Variants in COLEC12 observed in about 807,000 individuals in gnomAD.
The protein encoded by COLEC12 is collectin subfamily member 12, also known as collectin-12.
Under a neutral mutation model 71.1 loss-of-function variants are expected in COLEC12, and 33 were observed. The observed-to-expected ratio is 0.46, with a 90% CI of 0.35 to 0.62. COLEC12 has a LOEUF of 0.62. Ranked by LOEUF, COLEC12 falls within the 20% of genes least tolerant of loss-of-function variation. The pLI is 0.00. For synonymous variants in COLEC12, 350 were observed against 353.0 expected (o/e 0.99, Z 0.10); for missense variants, 765 against 916.1 (o/e 0.84, Z 2.13).
At chr18:404,446 C>A (rs1395112936) in intron 2 of COLEC12, among the ~76,000 whole-genome samples, 2 of 152,010 alleles carry the variant, frequency 1.3e-5, no homozygotes, top group African/African-American at 4.8e-5. Flanking sequence ...GCTTTTTTTA[C>A]CAAGTCATGA....
At chr18:420,277 G>C (rs2846657) in intron 2 of COLEC12, among the ~76,000 whole-genome samples, 2 of 151,866 alleles carry the variant, frequency 1.3e-5, no homozygotes, top group Non-Finnish European at 2.9e-5. Context: ...TGATGGCAAT[G>C]TAACACGTGT....
At position 362,808 on chromosome 18, in the gene COLEC12, C is replaced by T. The variant is rs931663037; in HGVS notation, c.59-5286G>A. Among the ~76,000 whole-genome samples, 3 of 152,144 alleles carry T rather than the reference C, an allele frequency of 2.0e-5. No individual in the cohort carries two copies. Among genetic ancestry groups the T allele is most frequent in the African/African-American group, 4.8e-5 (2 of 41,420 alleles). ...TGCTTTTCCCTCTTGAACTATCTCC[C>T]GCTGAACTCCACTCTTGGCTCATGT... On this transcript the variant is annotated intron_variant, in intron 2 of 9. Transcript: ENST00000400256. The surrounding 1 kb of genome is among the most constrained non-coding windows in gnomAD (Gnocchi z 4.6).
At chr18:435,433 G>A (rs1361757713) in intron 2 of COLEC12, among the ~76,000 whole-genome samples, 9 of 152,066 alleles carry the variant, frequency 5.9e-5, no homozygotes, top group South Asian at 4.1e-4. Flanking sequence ...ACCAGATCTC[G>A]TGAGATGCAC....
At position 395,544 on chromosome 18, in the gene COLEC12, A is replaced by C. The variant is rs529839388; in HGVS notation, c.59-38022T>G. Reference sequence around the variant, plus strand: ...ATCCTTCCCAGAAAAATGTGAGGTTAAAAGTTTAATCTGAGTTCACAGCTC... The same window carrying C: ...ATCCTTCCCAGAAAAATGTGAGGTTCAAAGTTTAATCTGAGTTCACAGCTC... On this transcript the variant is annotated intron_variant, in intron 2 of 9. Coordinates refer to ENST00000400256, the MANE Select transcript of COLEC12 (RefSeq NM_130386.3). 3.3e-4 allele frequency among the ~76,000 whole-genome samples: 50 copies of C among 152,324 alleles called. 1 individual carries two copies. The highest frequency in any genetic ancestry group is 2.4e-3 in the Admixed American group (37 of 15,302).
chr18:480,999 C>A lies in COLEC12; in HGVS notation c.8-242G>T, dbSNP rs977423533. On this transcript the variant is annotated intron_variant, in intron 1 of 9. Coordinates refer to ENST00000400256, the MANE Select transcript of COLEC12 (RefSeq NM_130386.3). This position sits in a 1 kb window ranked among gnomAD's most constrained non-coding sequence, Gnocchi z 4.1. ...TCGAATTCAGGTCTTAGCTAAAGTG[C>A]GACCCTTCGAGATGCCTTTCTGGAC... Among the ~76,000 whole-genome samples, 3 of 152,078 alleles carry A rather than the reference C, an allele frequency of 2.0e-5. No individual in the cohort carries two copies. Among genetic ancestry groups the A allele is most frequent in the African/African-American group, 7.2e-5 (3 of 41,404 alleles).
intron 2 of COLEC12, among the ~76,000 whole-genome samples, chr18:442,450 A>G (rs1233518936): frequency 6.6e-6 from 1 of 152,152 alleles, no homozygotes; most frequent in Non-Finnish European, 1.5e-5. Context: ...GCGTAGCACC[A>G]AGCTCAGACT....
chr18:412,040 A>G (rs908454929), intron 2 of COLEC12, among the ~76,000 whole-genome samples: 2 of 152,190 alleles, frequency 1.3e-5, no homozygotes, highest in Non-Finnish European at 2.9e-5. Context: ...GAGCAGATAG[A>G]AAAGTAATAG....
At chr18:354,632 C>T (rs536351505) in intron 3 of COLEC12, among the ~76,000 whole-genome samples, 45 of 152,068 alleles carry the variant, frequency 3.0e-4, no homozygotes, top group Non-Finnish European at 4.1e-4. Context: ...CATTGGGTCA[C>T]TAGAATCTTA....
Position 350,868 on chromosome 18 carries a change from G to A in COLEC12, c.182-2705C>T, listed in dbSNP as rs1914501361. Among the ~76,000 whole-genome samples the A allele has an allele frequency of 3.3e-5, 5 of 150,782 alleles. No individual in the cohort carries two copies. The South Asian group carries it at 1.1e-3, about 32-fold the overall frequency. ...GCTTGAACCTGGGAGGTGGAACCAG[G>A]AGAATTGCTTGAACCTGGGAAGTGG... On this transcript the variant is annotated intron_variant, in intron 3 of 9. Transcript: ENST00000400256.
intron 1 of COLEC12, among the ~76,000 whole-genome samples, chr18:484,601 T>C (rs570006237): frequency 2.0e-5 from 3 of 152,306 alleles, no homozygotes; most frequent in South Asian, 2.1e-4. Flanking sequence ...GGGGCGAGGA[T>C]AGAGATTGGA....
rs1440071696 is a variant in COLEC12, at chr18:392,068, T to C, written c.59-34546A>G. Among the ~76,000 whole-genome samples the C allele has an allele frequency of 4.6e-5, 7 of 152,344 alleles. No individual in the cohort carries two copies. The East Asian group carries it at 1.4e-3, about 29-fold the overall frequency. On this transcript the variant is annotated intron_variant, in intron 2 of 9. Coordinates refer to ENST00000400256, the MANE Select transcript of COLEC12 (RefSeq NM_130386.3). Reference sequence around the variant, plus strand: ...ACTAGCCAGTGTATACCTGGGGCCATTCATGGGATCCAGGAACCAGACTGT... The same window carrying C: ...ACTAGCCAGTGTATACCTGGGGCCACTCATGGGATCCAGGAACCAGACTGT...
intron 2 of COLEC12, among the ~76,000 whole-genome samples, chr18:384,512 A>C (rs555322611): frequency 7.2e-5 from 11 of 152,304 alleles, no homozygotes; most frequent in African/African-American, 2.2e-4. Flanking sequence ...ATTGCTATTA[A>C]AGGTGGGAAC....
intron 2 of COLEC12, among the ~76,000 whole-genome samples, chr18:429,856 G>GC (rs1916268573): frequency 6.6e-6 from 1 of 151,990 alleles, no homozygotes; most frequent in Admixed American, 6.6e-5. Flanking sequence ...CCAAACTAGC[G>GC]CCCCCTTTGC....
chr18:420,427 A>T (rs1417836283), intron 2 of COLEC12, among the ~76,000 whole-genome samples: 1 of 152,192 alleles, frequency 6.6e-6, no homozygotes, highest in Non-Finnish European at 1.5e-5. Context: ...AAAAGGAAAA[A>T]AGCCTCACTG....
At chr18:440,750 G>A (rs1916503805) in intron 2 of COLEC12, among the ~76,000 whole-genome samples, 1 of 152,124 alleles carries the variant, frequency 6.6e-6, no homozygotes, top group South Asian at 2.1e-4. Context: ...TTTGTATAGA[G>A]TTATACTTGA....
chr18:373,418 C>T (rs1053050632), intron 2 of COLEC12, among the ~76,000 whole-genome samples: 6 of 152,122 alleles, frequency 3.9e-5, no homozygotes, highest in Non-Finnish European at 8.8e-5. Context: ...CACATGGAAA[C>T]GGATTCGGGC....
intron 2 of COLEC12, among the ~76,000 whole-genome samples, chr18:360,472 T>C (rs1351312129): frequency 1.3e-5 from 2 of 152,156 alleles, no homozygotes; most frequent in African/African-American, 4.8e-5. Flanking sequence ...AGTATAGGTG[T>C]GAGCCACCAC....
At chr18:416,142 A>G (rs1915980992) in intron 2 of COLEC12, among the ~76,000 whole-genome samples, 1 of 152,224 alleles carries the variant, frequency 6.6e-6, no homozygotes, top group Non-Finnish European at 1.5e-5. Context: ...TTCCTGCTGT[A>G]TTAAAGAAAC....
At position 500,473 on chromosome 18, in the gene COLEC12, C is replaced by T. The variant is rs763953965; in HGVS notation, c.7+35G>A. 1.6e-5 allele frequency: 19 copies of T among 1,225,596 alleles called. No homozygotes were observed. The highest frequency in any genetic ancestry group is 6.3e-4 in the Middle Eastern group (2 of 3,180). 75.9% of individuals were successfully genotyped at this position (1,225,596 alleles called of 1,614,324 possible). ...CCGCGCGCCCCGAAGCCCGTTCCCC[C>T]CGCCCAGAGCCCCGCGGAGCTGCCG... On this transcript the variant is annotated intron_variant, in intron 1 of 9. Transcript: ENST00000400256. This position sits in a 1 kb window ranked among gnomAD's most constrained non-coding sequence, Gnocchi z 5.3.
Sources: allele counts gnomAD v4.1 joint callset (sites outside exome capture counted in the v4.1 genomes callset), GRCh38; gene constraint gnomAD v4.1.1; non-coding constraint Gnocchi (gnomAD v3.1); transcripts MANE v1.5; gene names NCBI Gene and HGNC (gene_info 2026-07-23, HGNC 2026-07-21).